TNFSF11: variants seen among roughly 807,000 people sequenced by gnomAD.
TNFSF11 encodes TNF superfamily member 11.
In TNFSF11, 12 loss-of-function variants were observed where a neutral mutation model predicts 32.2. The observed-to-expected ratio is 0.37, with a 90% CI of 0.24 to 0.60. The LOEUF is 0.60. Ranked by LOEUF, TNFSF11 falls within the 20% of genes least tolerant of loss-of-function variation. The pLI, the probability that TNFSF11 is intolerant of heterozygous loss-of-function variation, is 0.66. For synonymous variants in TNFSF11, 172 were observed against 152.1 expected (o/e 1.13, Z -0.96); for missense variants, 345 against 398.0 (o/e 0.87, Z 1.13).
At chr13:42,600,706 G>T (rs1433257134) in intron 2 of TNFSF11, 46 bp from the exon 3 acceptor site, 4 of 1,551,540 alleles carry the variant, frequency 2.6e-6, no homozygotes, top group Non-Finnish European at 3.5e-6. Context: ...TTGCTTTACA[G>T]AAAGAATGAT....
chr13:42,581,193 A>C lies in TNFSF11; in HGVS notation c.287A>C (p.Asn96Thr), dbSNP rs1873593505. 3 of 1,614,152 alleles carry C rather than the reference A, an allele frequency of 1.9e-6. No individual in the cohort carries two copies. The African/African-American group carries it at 4.0e-5, about 22-fold the overall frequency. Residue 96 changes from asparagine to threonine, a missense_variant, in exon 2 of 5, where the codon AAT (asparagine) becomes ACT (threonine). Physicochemically the swap from Asn to Thr is moderately conservative, Grantham distance 65. Coordinates refer to ENST00000398795, the MANE Select transcript of TNFSF11 (RefSeq NM_003701.4). Reference sequence around the variant, plus strand: ...TATAGAATTTTGAGACTCCATGAAAATGCAGATTTTCAAGACACAACTCTG... The same window carrying C: ...TATAGAATTTTGAGACTCCATGAAACTGCAGATTTTCAAGACACAACTCTG... ...CIYRILRLHENADFQDTTLES... is the reference protein window; with the variant it reads ...CIYRILRLHETADFQDTTLES...
chr13:42,581,153 G>A lies in TNFSF11; in HGVS notation c.247G>A (p.Gly83Ser). 6.2e-7 allele frequency: 1 copy of A among 1,614,034 alleles called. No homozygotes were observed. The highest frequency in any genetic ancestry group is 8.5e-7 in the Non-Finnish European group (1 of 1,179,978). Residue 83 changes from glycine (G) to serine (S), a missense_variant, in exon 2 of 5, where the codon GGC (glycine) becomes AGC (serine). Physicochemically the swap from Gly to Ser is moderately conservative, Grantham distance 56. Transcript: ENST00000398795. ...GGATCCTAATAGAATATCAGAAGAT[G>A]GCACTCACTGCATTTATAGAATTTT... ...QMDPNRISED[G>S]THCIYRILRL...
chr13:42,564,925 C>G (rs912463076), intron 1 of TNFSF11, among the ~76,000 whole-genome samples: 5 of 152,194 alleles, frequency 3.3e-5, no homozygotes, highest in African/African-American at 1.2e-4. Flanking sequence ...ACCTTCCCAG[C>G]CCAGTTCACC....
intron 2 of TNFSF11, among the ~76,000 whole-genome samples, chr13:42,586,765 T>G (rs1373982326): frequency 6.6e-6 from 1 of 152,200 alleles, no homozygotes; most frequent in African/African-American, 2.4e-5. Flanking sequence ...CCTTTGAGTC[T>G]CTAAAGACTT....
chr13:42,563,505 T>A (rs7325805), intron 1 of TNFSF11, among the ~76,000 whole-genome samples: 123,049 of 151,932 alleles, frequency 0.81, 50,050 homozygotes, highest in South Asian at 0.87. Flanking sequence ...TCTACCAAAA[T>A]TACAAAAATT....
intron 2 of TNFSF11, among the ~76,000 whole-genome samples, chr13:42,599,758 C>T (rs1200201099): frequency 6.6e-6 from 1 of 152,000 alleles, no homozygotes; most frequent in Middle Eastern, 3.2e-3. Context: ...TTAGTAGATA[C>T]GGGGTTCCAC....
intron 1 of TNFSF11, among the ~76,000 whole-genome samples, chr13:42,579,733 A>T (rs117543324): frequency 0.039 from 2,658 of 67,830 alleles, 45 homozygotes; most frequent in Non-Finnish European, 0.053. Context: ...TTTTTTGCAA[A>T]GTGTCTGATT....
At chr13:42,602,554 C>A (rs1363354524) in intron 4 of TNFSF11, among the ~76,000 whole-genome samples, 1 of 152,178 alleles carries the variant, frequency 6.6e-6, no homozygotes, top group Non-Finnish European at 1.5e-5. Context: ...TCCAAATGAC[C>A]TCTCCTGTCC....
At chr13:42,570,454 GA>G (rs1873022799), upstream of TNFSF11, among the ~76,000 whole-genome samples, 1 of 152,166 alleles carries the variant, frequency 6.6e-6, no homozygotes, top group Non-Finnish European at 1.5e-5. Flanking sequence ...TATAGTTTGA[GA>G]AATGTTGATC....
intron 1 of TNFSF11, among the ~76,000 whole-genome samples, chr13:42,577,702 T>C (rs1420845094): frequency 6.6e-6 from 1 of 152,200 alleles, no homozygotes; most frequent in Non-Finnish European, 1.5e-5. Context: ...GGTTGTTTGT[T>C]ACCCAGGACA....
chr13:42,574,153 C>G lies in TNFSF11; in HGVS notation c.-151C>G. On this transcript the variant is annotated 5_prime_UTR_variant, in exon 1 of 5. Transcript: ENST00000398795. ...AGAGTTGGGGCTGCCGGGCGCCCTG[C>G]CCGCTCGCCCGCGCGCCCCAGGACC... The G allele has an allele frequency of 9.6e-7, 1 of 1,039,388 alleles. No homozygotes were observed. Among genetic ancestry groups the G allele is most frequent in the Middle Eastern group, 3.0e-4 (1 of 3,282 alleles). 64.4% of individuals were successfully genotyped at this position (1,039,388 alleles called of 1,614,324 possible).
intron 2 of TNFSF11, among the ~76,000 whole-genome samples, chr13:42,589,182 G>A (rs1450018598): frequency 1.3e-5 from 2 of 152,098 alleles, no homozygotes; most frequent in African/African-American, 4.8e-5. Flanking sequence ...GTTTTTCATG[G>A]TGAATGACAA....
chr13:42,599,653 C>T (rs1023106302), intron 2 of TNFSF11, among the ~76,000 whole-genome samples: 1 of 152,040 alleles, frequency 6.6e-6, no homozygotes, highest in Non-Finnish European at 1.5e-5. Context: ...CAACCTCCCC[C>T]GCAACCTCCC....
At chr13:42,577,461 A>G (rs1450736631) in intron 1 of TNFSF11, among the ~76,000 whole-genome samples, 3 of 152,162 alleles carry the variant, frequency 2.0e-5, no homozygotes, top group East Asian at 1.9e-4. Context: ...GGCTTCTGCT[A>G]TATATTTACC....
chr13:42,572,645 C>G (rs1873111902), upstream of TNFSF11, among the ~76,000 whole-genome samples: 1 of 152,156 alleles, frequency 6.6e-6, no homozygotes, highest in African/African-American at 2.4e-5. Context: ...CTCCACCAAC[C>G]TATATATTGA....
At position 42,581,071 on chromosome 13, in the gene TNFSF11, T is replaced by C. The variant is rs528721078; in HGVS notation, c.220-55T>C. On this transcript the variant is annotated intron_variant, in intron 1 of 4. Coordinates refer to ENST00000398795, the MANE Select transcript of TNFSF11 (RefSeq NM_003701.4). Reference sequence around the variant, plus strand: ...TGTTCTTAAGTCACACTGTATTAAATAGCAGGATGACTAGTGATAAGCACT... The same window carrying C: ...TGTTCTTAAGTCACACTGTATTAAACAGCAGGATGACTAGTGATAAGCACT... 4.4e-6 allele frequency: 7 copies of C among 1,586,428 alleles called. No individual in the cohort carries two copies. The East Asian group carries it at 1.6e-4, about 35-fold the overall frequency.
At chr13:42,577,511 A>G (rs1873380491) in intron 1 of TNFSF11, among the ~76,000 whole-genome samples, 1 of 152,198 alleles carries the variant, frequency 6.6e-6, no homozygotes, top group Non-Finnish European at 1.5e-5. Context: ...AAAAAAAATA[A>G]AAACCCTTTC....
intron 1 of TNFSF11, among the ~76,000 whole-genome samples, chr13:42,579,814 T>C (rs1012505666): frequency 7.2e-6 from 1 of 138,952 alleles, no homozygotes; most frequent in Non-Finnish European, 1.5e-5. Context: ...ATAGGAAAAA[T>C]ACAGATTGTA....
intron 2 of TNFSF11, among the ~76,000 whole-genome samples, chr13:42,593,207 T>A (rs766712299): frequency 3.9e-5 from 6 of 152,180 alleles, no homozygotes; most frequent in Non-Finnish European, 8.8e-5. Flanking sequence ...TGCGGGAAAT[T>A]CCAAAGGCTT....
Sources: allele counts gnomAD v4.1 joint callset (sites outside exome capture counted in the v4.1 genomes callset), GRCh38; gene constraint gnomAD v4.1.1; transcripts MANE v1.5; gene names NCBI Gene and HGNC (gene_info 2026-07-23, HGNC 2026-07-21).